OR5AS1: variants seen among roughly 807,000 people sequenced by gnomAD.
The protein encoded by OR5AS1 is olfactory receptor family 5 subfamily AS member 1, also known as olfactory receptor 5AS1.
For synonymous variants in OR5AS1, 196 were observed against 141.7 expected, an observed-to-expected ratio of 1.38 and a Z score of -2.72; for missense variants, 492 against 378.2, an observed-to-expected ratio of 1.30 and a Z score of -2.50.
In OR5AS1 at chr11:56,035,370, G is replaced by T. The variant is rs1202232442; in HGVS notation, c.*3977G>T. 4.6e-5 allele frequency: 7 copies of T among 151,814 alleles called. No individual in the cohort carries two copies. The East Asian group carries it at 5.8e-4, about 13-fold the overall frequency. 9.4% of individuals were successfully genotyped at this position (151,814 alleles called of 1,614,324 possible). A position where few individuals can be genotyped will look rare whatever the true frequency, so the allele number is the denominator to read the frequency against. ...ATTGGTGTGCTGTATTCAGGAGACC[G>T]ATCTCATGTGCAAAGCATACATAGG... On this transcript the variant is annotated 3_prime_UTR_variant, in exon 2 of 2. Coordinates refer to ENST00000641320, the MANE Select transcript of OR5AS1 (RefSeq NM_001001921.2).
At chr11:56,029,089 C>T (rs1454274726) in intron 1 of OR5AS1, among the ~76,000 whole-genome samples, 1 of 152,020 alleles carries the variant, frequency 6.6e-6, no homozygotes, top group Non-Finnish European at 1.5e-5. Context: ...AGGCTGGCTT[C>T]TCTTTTCGGT....
rs531540493 is a variant in OR5AS1 at position 56,037,644 on chromosome 11, A to G, written c.*6251A>G. 6.8e-4 allele frequency: 104 copies of G among 152,176 alleles called. No individual in the cohort carries two copies. Among genetic ancestry groups the G allele is most frequent in the African/African-American group, 2.4e-3 (99 of 41,474 alleles). The allele number at this position is 152,176 out of a possible 1,614,324, so 9.4% of individuals were successfully genotyped here. A position where few individuals can be genotyped will look rare whatever the true frequency, so the allele number is the denominator to read the frequency against. ...ACAAATGGAAAAACATTCCATGCTC[A>G]TGGATATGAAGAATCAATATCATGA... On this transcript the variant is annotated 3_prime_UTR_variant, in exon 2 of 2. Coordinates refer to ENST00000641320, the MANE Select transcript of OR5AS1 (RefSeq NM_001001921.2).
Position 56,031,212 on chromosome 11 carries a change from G to A in OR5AS1, c.794G>A (p.Ser265Asn), listed in dbSNP as rs1425204875. ...TTTATGTACTTACAGCCCACCACTA[G>A]CTATTCCCTAGACACTGATAAGGTG... ...LLFMYLQPTT[S>N]YSLDTDKVVA... is the part of the protein sequence containing the mutation. Residue 265 changes from serine to asparagine, a missense_variant, in exon 2 of 2, where the codon AGC becomes AAC. Physicochemically the swap from Ser to Asn is conservative, Grantham distance 46. Coordinates refer to ENST00000641320, the MANE Select transcript of OR5AS1 (RefSeq NM_001001921.2). The A allele has an allele frequency of 6.2e-7, 1 of 1,613,570 alleles. No individual in the cohort carries two copies.
rs1853414399 is a variant in OR5AS1, at chr11:56,037,152, T to C, written c.*5759T>C. 1 of 152,008 alleles carries C rather than the reference T, an allele frequency of 6.6e-6. No homozygotes were observed. The allele number at this position is 152,008 out of a possible 1,614,324, so 9.4% of individuals were successfully genotyped here. On this transcript the variant is annotated 3_prime_UTR_variant, in exon 2 of 2. Coordinates refer to ENST00000641320, the MANE Select transcript of OR5AS1 (RefSeq NM_001001921.2). ...GCTATTATGACAAACCCACAGCCAA[T>C]ATCATACTGAATGGGCAAAAACTGG...
At chr11:56,030,335 G>A (rs1436816141) in intron 1 of OR5AS1, 56 bp from the exon 2 acceptor site, 7 of 734,766 alleles carry the variant, frequency 9.5e-6, no homozygotes, top group Admixed American at 2.9e-5. Flanking sequence ...AGAGAATAAA[G>A]ATACTTTTGG....
rs1269258452 is a variant in OR5AS1, at chr11:56,036,314, A to T, written c.*4921A>T. 6.6e-6 allele frequency: 1 copy of T among 152,118 alleles called. No homozygotes were observed. Among genetic ancestry groups the T allele is most frequent in the Non-Finnish European group, 1.5e-5 (1 of 68,038 alleles). 9.4% of individuals were successfully genotyped at this position (152,118 alleles called of 1,614,324 possible). A position where few individuals can be genotyped will look rare whatever the true frequency, so the allele number is the denominator to read the frequency against. On this transcript the variant is annotated 3_prime_UTR_variant, in exon 2 of 2. Coordinates refer to ENST00000641320, the MANE Select transcript of OR5AS1 (RefSeq NM_001001921.2). ...AACTGAAGGAGATAGAGACATGAAAAACCCTTCAAAAAATCAATGAATCCA... is the reference window on the plus strand; with the variant it reads ...AACTGAAGGAGATAGAGACATGAAATACCCTTCAAAAAATCAATGAATCCA...
rs1213691056 is a variant in OR5AS1 at position 56,030,867 on chromosome 11, T to C, written c.449T>C (p.Phe150Ser). Reference protein sequence around the residue: ...VCVCFIVLAYFSGSTTSLVHV... With the variant: ...VCVCFIVLAYSSGSTTSLVHV... ...GTCTGCTTCATTGTGTTGGCATATT[T>C]CAGTGGAAGTACAACATCACTGGTC... The change falls in exon 2 of 2, where the codon TTC (phenylalanine) becomes TCC (serine). Residue 150 changes from phenylalanine (F) to serine (S), a missense_variant. Transcript: ENST00000641320. 17 of 1,614,004 alleles carry C rather than the reference T, an allele frequency of 1.1e-5. No homozygotes were observed. The highest frequency in any genetic ancestry group is 1.4e-5 in the Non-Finnish European group (17 of 1,179,988).
chr11:56,028,301 TTAAATA>T (rs1429072242), intron 1 of OR5AS1, among the ~76,000 whole-genome samples: 5 of 152,128 alleles, frequency 3.3e-5, no homozygotes, highest in African/African-American at 4.8e-5. Context: ...ATTATGCTAA[TTAAATA>T]TAACAAATAA....
chr11:56,030,519 T>G lies in OR5AS1; in HGVS notation c.101T>G (p.Val34Gly). 6.4e-7 allele frequency: 1 copy of G among 1,551,842 alleles called. No homozygotes were observed. Among genetic ancestry groups the G allele is most frequent in the Non-Finnish European group, 8.7e-7 (1 of 1,146,092 alleles). Residue 34 changes from valine to glycine, a missense_variant, in exon 2 of 2, where the codon GTA (valine) becomes GGA (glycine). Val to Gly is a moderately radical substitution (Grantham distance 109, BLOSUM62 -3). Transcript: ENST00000641320. ...RVTLFLVFLL[V>G]YTLTMVGNIL... ...ACACTGTTCTTGGTATTCCTTCTGG[T>G]ATATACATTAACTATGGTCGGAAAT...
chr11:56,031,061 T>C lies in OR5AS1; in HGVS notation c.643T>C (p.Phe215Leu). 1.2e-6 allele frequency: 2 copies of C among 1,614,132 alleles called. No individual in the cohort carries two copies. Among genetic ancestry groups the C allele is most frequent in the Non-Finnish European group, 1.7e-6 (2 of 1,180,016 alleles). The change falls in exon 2 of 2, where the codon TTT (phenylalanine) becomes CTT (leucine). Residue 215 changes from phenylalanine (F) to leucine (L), a missense_variant. Transcript: ENST00000641320. ...FIQTSTFVVI[F>L]ISYFCILITV... is the part of the protein sequence containing the mutation. ...CCAGACCAGCACTTTTGTGGTAATA[T>C]TTATTTCTTACTTCTGCATCCTCAT...
rs879082903 is a variant in OR5AS1 at position 56,037,449 on chromosome 11, A to C, written c.*6056A>C. Reference sequence around the variant, plus strand: ...ACAAAATCAATGTGCAAAAATCACAAGCATTCCTATACACCAATAACAGAC... The same window carrying C: ...ACAAAATCAATGTGCAAAAATCACACGCATTCCTATACACCAATAACAGAC... On this transcript the variant is annotated 3_prime_UTR_variant, in exon 2 of 2. Coordinates refer to ENST00000641320, the MANE Select transcript of OR5AS1 (RefSeq NM_001001921.2). 1 of 152,158 alleles carries C rather than the reference A, an allele frequency of 6.6e-6. No homozygotes were observed. 9.4% of individuals were successfully genotyped at this position (152,158 alleles called of 1,614,324 possible).
rs1590709081 is a variant in OR5AS1 at position 56,037,086 on chromosome 11, A to G, written c.*5693A>G. ...AACACCCTTCGTGCTAAAAACTCTC[A>G]ATAAACTAGGTATTGACAAACATAT... On this transcript the variant is annotated 3_prime_UTR_variant, in exon 2 of 2. Coordinates refer to ENST00000641320, the MANE Select transcript of OR5AS1 (RefSeq NM_001001921.2). The G allele has an allele frequency of 1.3e-5, 2 of 152,242 alleles. No individual in the cohort carries two copies. Among genetic ancestry groups the G allele is most frequent in the Middle Eastern group, 6.8e-3 (2 of 294 alleles). The allele number at this position is 152,242 out of a possible 1,614,324, so 9.4% of individuals were successfully genotyped here. A position where few individuals can be genotyped will look rare whatever the true frequency, so the allele number is the denominator to read the frequency against.
Position 56,032,162 on chromosome 11 carries a change from A to C in OR5AS1, c.*769A>C, listed in dbSNP as rs562449731. ...ATCACATTGTCTTTGGGCTAAGTTG[A>C]TTACTGCAAGAAATTCCCTACTTTT... On this transcript the variant is annotated 3_prime_UTR_variant, in exon 2 of 2. Coordinates refer to ENST00000641320, the MANE Select transcript of OR5AS1 (RefSeq NM_001001921.2). 21 of 152,266 alleles carry C rather than the reference A, an allele frequency of 1.4e-4. No individual in the cohort carries two copies. Among genetic ancestry groups the C allele is most frequent in the African/African-American group, 4.6e-4 (19 of 41,528 alleles). The allele number at this position is 152,266 out of a possible 1,614,324, so 9.4% of individuals were successfully genotyped here. A position where few individuals can be genotyped will look rare whatever the true frequency, so the allele number is the denominator to read the frequency against.
rs1360357642 is a variant in OR5AS1 at position 56,030,490 on chromosome 11, A to G, written c.72A>G (p.Arg24=). 11 of 1,522,276 alleles carry G rather than the reference A, an allele frequency of 7.2e-6. No homozygotes were observed. The highest frequency in any genetic ancestry group is 9.7e-6 in the Non-Finnish European group (11 of 1,132,528). 94.3% of individuals were successfully genotyped at this position (1,522,276 alleles called of 1,614,324 possible). A position where few individuals can be genotyped will look rare whatever the true frequency, so the allele number is the denominator to read the frequency against. Residue 24 remains arginine, a synonymous_variant, in exon 2 of 2, where the codon AGA becomes AGG. Transcript: ENST00000641320. Reference sequence around the variant, plus strand: ...GATTCACAGATTATCTACCTCTCAGAGTCACACTGTTCTTGGTATTCCTTC... The same window carrying G: ...GATTCACAGATTATCTACCTCTCAGGGTCACACTGTTCTTGGTATTCCTTC... ...FVGFTDYLPL[R]VTLFLVFLLV...
At chr11:56,028,227 C>A (rs1853315424) in intron 1 of OR5AS1, among the ~76,000 whole-genome samples, 1 of 151,858 alleles carries the variant, frequency 6.6e-6, no homozygotes, top group African/African-American at 2.4e-5. Flanking sequence ...TTTGATGCAT[C>A]TACAGCATAC....
intron 1 of OR5AS1, among the ~76,000 whole-genome samples, chr11:56,028,874 G>A (rs1453852018): frequency 6.6e-6 from 1 of 152,060 alleles, no homozygotes; most frequent in East Asian, 1.9e-4. Context: ...TGTTAGTGTG[G>A]AAATTTGCTA....
chr11:56,028,122 A>G (rs4939012), intron 1 of OR5AS1, among the ~76,000 whole-genome samples: 47,446 of 151,850 alleles, frequency 0.31, 7,710 homozygotes, highest in Non-Finnish European at 0.34. Flanking sequence ...ATAAAAACAA[A>G]CTAGGAGAAT....
rs905755974 is a variant in OR5AS1, at chr11:56,030,427, G to A, written c.9G>A (p.Glu3=). Reference sequence around the variant, plus strand: ...AAAACAAGAAAACTAAGATGTTGGAGAGTAATTACACCATGCCAACTGAGT... The same window carrying A: ...AAAACAAGAAAACTAAGATGTTGGAAAGTAATTACACCATGCCAACTGAGT... The part of the protein sequence containing the change: ML[E]SNYTMPTEFL... The change falls in exon 2 of 2, where the codon GAG becomes GAA. Residue 3 remains glutamate (E), a synonymous_variant. Transcript: ENST00000641320. 6 of 1,459,972 alleles carry A rather than the reference G, an allele frequency of 4.1e-6. 1 individual carries two copies. The allele number at this position is 1,459,972 out of a possible 1,614,324, so 90.4% of individuals were successfully genotyped here. A position where few individuals can be genotyped will look rare whatever the true frequency, so the allele number is the denominator to read the frequency against.
chr11:56,030,362 G>C (rs1428828229), intron 1 of OR5AS1, 29 bp from the exon 2 acceptor site: 8 of 1,201,362 alleles, frequency 6.7e-6, no homozygotes, highest in Middle Eastern at 2.1e-4. Context: ...CATAACTCAA[G>C]TTAACTCACA....
Sources: allele counts gnomAD v4.1 joint callset (sites outside exome capture counted in the v4.1 genomes callset), GRCh38; gene constraint gnomAD v4.1.1; transcripts MANE v1.5; gene names NCBI Gene and HGNC (gene_info 2026-07-23, HGNC 2026-07-21).